Variants in C19orf38 observed in about 807,000 individuals in gnomAD.
C19orf38 encodes the protein chromosome 19 open reading frame 38.
Under a neutral mutation model 26.6 loss-of-function variants are expected in C19orf38, and 14 were observed. The ratio of observed to expected loss-of-function variants is 0.53; its 90% CI spans 0.35 to 0.82. C19orf38 has a LOEUF of 0.82. Ranked by LOEUF, C19orf38 falls within the 40% of genes least tolerant of loss-of-function variation. C19orf38 has a pLI of 0.01. For synonymous variants in C19orf38, 132 were observed against 128.5 expected (o/e 1.03, Z -0.18); for missense variants, 261 against 299.5 (o/e 0.87, Z 0.95).
Position 10,848,551 on chromosome 19 carries a change from G to GC in C19orf38, c.31+18dup, listed in dbSNP as rs1441075407. ...GCTCTTTGCAGCTGGTGAGTCTGAA[G>GC]CCCCCCTCTCAGATCCCCCACGCCT... On this transcript the variant is annotated intron_variant, in intron 1 of 6. Coordinates refer to ENST00000397820, the MANE Select transcript of C19orf38 (RefSeq NM_001136482.3). 4 of 1,550,702 alleles carry GC rather than the reference G, an allele frequency of 2.6e-6. No homozygotes were observed. Among genetic ancestry groups the GC allele is most frequent in the African/African-American group, 2.7e-5 (2 of 72,958 alleles).
At chr19:10,841,334 T>G (rs2073476440) in intron 1 of C19orf38, among the ~76,000 whole-genome samples, 1 of 151,930 alleles carries the variant, frequency 6.6e-6, no homozygotes, top group African/African-American at 2.4e-5. Context: ...TAATAAAATA[T>G]TAGCCAGTTG....
At chr19:10,843,064 G>A (rs2073490910) in intron 1 of C19orf38, among the ~76,000 whole-genome samples, 1 of 152,210 alleles carries the variant, frequency 6.6e-6, no homozygotes, top group African/African-American at 2.4e-5. Flanking sequence ...ATCTTTCAGT[G>A]TGGCTGGATC....
At chr19:10,853,961 G>A (rs2073599572) in intron 2 of C19orf38, among the ~76,000 whole-genome samples, 2 of 150,956 alleles carry the variant, frequency 1.3e-5, no homozygotes. Context: ...GCTGAGGCAG[G>A]TGGATCACTT....
At chr19:10,851,697 G>T (rs889601089) in intron 2 of C19orf38, among the ~76,000 whole-genome samples, 1 of 151,998 alleles carries the variant, frequency 6.6e-6, no homozygotes, top group Non-Finnish European at 1.5e-5. Context: ...GGCTGGGCGT[G>T]GTGGCTCACG....
At chr19:10,838,485 C>A (rs2073453853) in intron 1 of C19orf38, among the ~76,000 whole-genome samples, 1 of 152,136 alleles carries the variant, frequency 6.6e-6, no homozygotes, top group South Asian at 2.1e-4. Flanking sequence ...TGTGCAGTGA[C>A]TTCTATGTAG....
intron 1 of C19orf38, chr19:10,842,185 T>G: frequency 6.4e-7 from 1 of 1,557,100 alleles, no homozygotes; most frequent in Non-Finnish European, 8.9e-7. Flanking sequence ...CCGGCAAATG[T>G]GGTTCTGAAA....
At chr19:10,843,840 T>C (rs2073495830), upstream of C19orf38, among the ~76,000 whole-genome samples, 1 of 152,194 alleles carries the variant, frequency 6.6e-6, no homozygotes, top group African/African-American at 2.4e-5. Flanking sequence ...TCATGAAGGC[T>C]GGGCATGGCG....
At chr19:10,857,351 T>TAC in intron 3 of C19orf38, among the ~76,000 whole-genome samples, 1 of 77,802 alleles carries the variant, frequency 1.3e-5, no homozygotes, top group African/African-American at 1.1e-4. Flanking sequence ...TATATATATA[T>TAC]ATATATATAT....
intron 6 of C19orf38, among the ~76,000 whole-genome samples, chr19:10,867,333 G>A (rs561294542): frequency 2.0e-5 from 3 of 151,512 alleles, no homozygotes; most frequent in East Asian, 3.9e-4. Flanking sequence ...TGGCAGGCAC[G>A]GTAGCACATG....
chr19:10,859,439 G>T (rs1288857057), intron 4 of C19orf38, among the ~76,000 whole-genome samples: 1 of 141,104 alleles, frequency 7.1e-6, no homozygotes, highest in Non-Finnish European at 1.5e-5. Context: ...CTGGAGTACA[G>T]TGGCGCAATC....
chr19:10,857,920 AAGAAAGAAAG>A (rs2073647270), intron 3 of C19orf38, among the ~76,000 whole-genome samples: 1 of 149,332 alleles, frequency 6.7e-6, no homozygotes, highest in Admixed American at 6.7e-5. Flanking sequence ...GAAAGAAAGA[AAGAAAGAAAG>A]AAAAATCTGA....
At position 10,869,264 on chromosome 19, in the gene C19orf38, G is replaced by A. The variant is rs2073780069; in HGVS notation, c.590G>A (p.Gly197Asp). 2 of 1,551,642 alleles carry A rather than the reference G, an allele frequency of 1.3e-6. No homozygotes were observed. The highest frequency in any genetic ancestry group is 1.7e-6 in the Non-Finnish European group (2 of 1,146,980). ...EDPATLDDHS[G>D]TTATPSNSRT... ...CCGGCCACCTTGGATGATCACTCAG[G>A]CACCACTGCCACCCCCAGCAACTCC... Residue 197 changes from glycine to aspartate, a missense_variant, in exon 7 of 7, where the codon GGC (glycine) becomes GAC (aspartate). Physicochemically the swap from Gly to Asp is moderately conservative, Grantham distance 94. Transcript: ENST00000397820.
intron 3 of C19orf38, among the ~76,000 whole-genome samples, chr19:10,857,904 A>G (rs2073646923): frequency 6.9e-6 from 1 of 144,224 alleles, no homozygotes; most frequent in Admixed American, 7.0e-5. Context: ...AAAAGAAAGA[A>G]AGAAAGAAAG....
chr19:10,859,348 GTATATATATATATATATATATATA>G (rs1164393634), intron 4 of C19orf38, among the ~76,000 whole-genome samples: 1 of 55,970 alleles, frequency 1.8e-5, no homozygotes, highest in East Asian at 6.9e-4. Context: ...GTGTGTGTGT[GTATATATATATATATATATATATA>G]TATATATATA....
intron 6 of C19orf38, among the ~76,000 whole-genome samples, chr19:10,864,700 G>A (rs1026007277): frequency 6.6e-6 from 1 of 152,180 alleles, no homozygotes; most frequent in Non-Finnish European, 1.5e-5. Flanking sequence ...GGGTGGTTTG[G>A]TCCAAAATGT....
At chr19:10,868,114 G>T (rs904071365) in intron 6 of C19orf38, among the ~76,000 whole-genome samples, 3 of 152,174 alleles carry the variant, frequency 2.0e-5, no homozygotes, top group Admixed American at 2.0e-4. Flanking sequence ...TGGAGTCTCT[G>T]CTTTCACTTC....
At position 10,866,166 on chromosome 19, in the gene C19orf38, T is replaced by C. The variant is rs977812311; in HGVS notation, c.543+2959T>C. ...GATTCTCCTGCCTCAGCCTCCCAAGTAGCTGGGATTATAGGTGCCTGCCAC... is the reference window on the plus strand; with the variant it reads ...GATTCTCCTGCCTCAGCCTCCCAAGCAGCTGGGATTATAGGTGCCTGCCAC... On this transcript the variant is annotated intron_variant, in intron 6 of 6. Coordinates refer to ENST00000397820, the MANE Select transcript of C19orf38 (RefSeq NM_001136482.3). Among the ~76,000 whole-genome samples the C allele has an allele frequency of 1.5e-4, 22 of 150,822 alleles. No individual in the cohort carries two copies. The East Asian group carries it at 3.5e-3, about 24-fold the overall frequency.
At chr19:10,859,244 A>ATGTGTGTGTGTG (rs35791729) in intron 4 of C19orf38, among the ~76,000 whole-genome samples, 13 of 119,382 alleles carry the variant, frequency 1.1e-4, no homozygotes, top group African/African-American at 2.9e-4. Flanking sequence ...GCTTTTATAT[A>ATGTGTGTGTGTG]TGTGTGTGTG....
chr19:10,860,831 A>C (rs2073690639), intron 5 of C19orf38, among the ~76,000 whole-genome samples: 1 of 109,608 alleles, frequency 9.1e-6, no homozygotes. Flanking sequence ...ACAGAGCGAG[A>C]CTCCATCTCA....
Sources: allele counts gnomAD v4.1 joint callset (sites outside exome capture counted in the v4.1 genomes callset), GRCh38; gene constraint gnomAD v4.1.1; transcripts MANE v1.5; gene names NCBI Gene and HGNC (gene_info 2026-07-23, HGNC 2026-07-21).